ATP13A4: variants seen among roughly 807,000 people sequenced by gnomAD.
ATP13A4 encodes the protein ATPase 13A4.
In ATP13A4, 114 loss-of-function variants were observed where a neutral mutation model predicts 142.5. The ratio of observed to expected loss-of-function variants is 0.80; its 90% confidence interval spans 0.69 to 0.93. ATP13A4 has a LOEUF of 0.93. Ranked by LOEUF, ATP13A4 falls within the 40% of genes least tolerant of loss-of-function variation. The probability of loss-of-function intolerance (pLI) is 0.00; values close to 1 mark genes in which losing one functional copy is unlikely to be tolerated. For synonymous variants in ATP13A4, 488 were observed against 514.8 expected, an observed-to-expected ratio of 0.95 and a Z score of 0.70; for missense variants, 1,392 against 1,454.0, an observed-to-expected ratio of 0.96 and a Z score of 0.69.
chr3:193,535,724 A>G (rs749687944), intron 1 of ATP13A4, among the ~76,000 whole-genome samples: 1 of 152,150 alleles, frequency 6.6e-6, no homozygotes, highest in Admixed American at 6.5e-5. Flanking sequence ...AAATCAAAAC[A>G]AACAGCTGGT....
chr3:193,581,241 T>C (rs2134881), intron 2 of ATP13A4, among the ~76,000 whole-genome samples: 79,150 of 151,588 alleles, frequency 0.52, 21,324 homozygotes, highest in African/African-American at 0.65. Flanking sequence ...TTATGTATGT[T>C]ATTCACAATG....
intron 7 of ATP13A4, among the ~76,000 whole-genome samples, chr3:193,485,430 A>T (rs1719552036): frequency 6.6e-6 from 1 of 152,140 alleles, no homozygotes. Context: ...CCCTTTTCAT[A>T]ATGGCACTAA....
At chr3:193,566,501 A>G (rs1410081666) in intron 2 of ATP13A4, among the ~76,000 whole-genome samples, 1 of 152,048 alleles carries the variant, frequency 6.6e-6, no homozygotes, top group Non-Finnish European at 1.5e-5. Context: ...GGGGCCTCTC[A>G]ACCCCTGGAA....
chr3:193,404,589 T>G (rs1461521197), intron 29 of ATP13A4, among the ~76,000 whole-genome samples: 1 of 152,136 alleles, frequency 6.6e-6, no homozygotes, highest in Non-Finnish European at 1.5e-5. Flanking sequence ...TGAGATCTGA[T>G]TGTTTAAAAG....
rs116549603 is a variant in ATP13A4 at position 193,419,843 on chromosome 3, C to T, written c.2843-5093G>A. Among the ~76,000 whole-genome samples, 256 of 150,178 alleles carry T rather than the reference C, an allele frequency of 1.7e-3. 11 individuals carry two copies. Among genetic ancestry groups the T allele is most frequent in the African/African-American group, 6.1e-3 (248 of 40,900 alleles). ...TCATCACTGTGCTGCTCCCTGTCCC[C>T]CACCCACTGCCCCTCCAGGGCCCAA... On this transcript the variant is annotated intron_variant, in intron 25 of 29. Coordinates refer to ENST00000342695, the MANE Select transcript of ATP13A4 (RefSeq NM_032279.4).
At chr3:193,544,013 C>T (rs1723086569) in intron 1 of ATP13A4, among the ~76,000 whole-genome samples, 1 of 152,160 alleles carries the variant, frequency 6.6e-6, no homozygotes, top group African/African-American at 2.4e-5. Context: ...GTTCATCAGA[C>T]AGACTGGGGG....
At chr3:193,508,997 A>AG (rs539153637) in intron 2 of ATP13A4, among the ~76,000 whole-genome samples, 222 of 152,250 alleles carry the variant, frequency 1.5e-3, no homozygotes, top group African/African-American at 5.2e-3. Context: ...AGGAAAAAAA[A>AG]AAAAAGCTGA....
Position 193,488,080 on chromosome 3 carries a change from A to G in ATP13A4, c.738+1650T>C, listed in dbSNP as rs554884905. ...GGAGATCAACACCATCCAGACCAAC[A>G]TGGTGAAACACCGTCTCGACTAAAA... On this transcript the variant is annotated intron_variant, in intron 7 of 29. Transcript: ENST00000342695. 6.6e-5 allele frequency among the ~76,000 whole-genome samples: 10 copies of G among 152,324 alleles called. No individual in the cohort carries two copies. The East Asian group carries it at 1.9e-3, about 29-fold the overall frequency.
At chr3:193,506,557 T>C (rs1317903409) in intron 2 of ATP13A4, among the ~76,000 whole-genome samples, 1 of 152,194 alleles carries the variant, frequency 6.6e-6, no homozygotes, top group Non-Finnish European at 1.5e-5. Flanking sequence ...CCAGATAAAC[T>C]TTTAGACTTG....
At chr3:193,407,415 C>A (rs748272774) in intron 28 of ATP13A4, 22 bp from the exon 29 acceptor site, 3 of 1,583,276 alleles carry the variant, frequency 1.9e-6, no homozygotes, top group African/African-American at 2.7e-5. Context: ...TGATGAAGCA[C>A]AGTTAGTCTG....
At chr3:193,580,985 T>A (rs1190343572) in intron 2 of ATP13A4, among the ~76,000 whole-genome samples, 1 of 152,196 alleles carries the variant, frequency 6.6e-6, no homozygotes, top group Non-Finnish European at 1.5e-5. Context: ...TCTTATACAT[T>A]TTACTATGAA....
At position 193,537,222 on chromosome 3, in the gene ATP13A4, T is replaced by A. The variant is rs1238191967; in HGVS notation, c.60+17518A>T. On this transcript the variant is annotated intron_variant, in intron 1 of 29. Transcript: ENST00000342695. ...CAATACTTATCATATAACTGTACCA[T>A]AATCAAGACTGTATGGCATTGGCAC... Among the ~76,000 whole-genome samples, 10 of 152,214 alleles carry A rather than the reference T, an allele frequency of 6.6e-5. No homozygotes were observed. In the East Asian group the frequency reaches 1.9e-3, roughly 29 times the overall value.
rs2108637458 is a variant in ATP13A4 at position 193,459,063 on chromosome 3, T to C, written c.1674+18A>G. On this transcript the variant is annotated intron_variant, in intron 14 of 29. Coordinates refer to ENST00000342695, the MANE Select transcript of ATP13A4 (RefSeq NM_032279.4). ...CATTGAAGAAGCTTCTCAGATTCTCTGAAGAGCAGAGGCTTACCCAGGTGG... is the reference window on the plus strand; with the variant it reads ...CATTGAAGAAGCTTCTCAGATTCTCCGAAGAGCAGAGGCTTACCCAGGTGG... 2 of 1,614,134 alleles carry C rather than the reference T, an allele frequency of 1.2e-6. No individual in the cohort carries two copies. Among genetic ancestry groups the C allele is most frequent in the Middle Eastern group, 1.6e-4 (1 of 6,062 alleles).
At chr3:193,518,141 A>C (rs1204609497) in intron 1 of ATP13A4, among the ~76,000 whole-genome samples, 3 of 152,224 alleles carry the variant, frequency 2.0e-5, no homozygotes, top group Admixed American at 6.5e-5. Context: ...TATTGTTCCC[A>C]CATTCTTGCA....
At chr3:193,511,146 C>T (rs1247767122) in intron 2 of ATP13A4, among the ~76,000 whole-genome samples, 1 of 152,040 alleles carries the variant, frequency 6.6e-6, no homozygotes, top group African/African-American at 2.4e-5. Context: ...CAAGAGCAGG[C>T]AATTAAAAAT....
intron 1 of ATP13A4, among the ~76,000 whole-genome samples, chr3:193,526,591 T>C (rs952609643): frequency 2.6e-5 from 4 of 152,134 alleles, no homozygotes; most frequent in Non-Finnish European, 5.9e-5. Context: ...TGCATGTTCT[T>C]CACATGTATC....
intron 8 of ATP13A4, among the ~76,000 whole-genome samples, chr3:193,473,697 AC>A (rs1406652241): frequency 1.3e-5 from 2 of 152,294 alleles, no homozygotes; most frequent in African/African-American, 4.8e-5. Context: ...AGCAGTGAAA[AC>A]ACAGCATCAT....
At chr3:193,488,703 T>A (rs191042686) in intron 7 of ATP13A4, among the ~76,000 whole-genome samples, 122 of 152,250 alleles carry the variant, frequency 8.0e-4, no homozygotes, top group African/African-American at 2.9e-3. Context: ...ACAAAGACTC[T>A]AGAAGTTTTA....
At chr3:193,463,196 T>C (rs1003174685) in intron 12 of ATP13A4, among the ~76,000 whole-genome samples, 1 of 152,060 alleles carries the variant, frequency 6.6e-6, no homozygotes, top group African/African-American at 2.4e-5. Context: ...TTTCAAACTT[T>C]AGTGTCCTCC....
Sources: allele counts gnomAD v4.1 joint callset (sites outside exome capture counted in the v4.1 genomes callset), GRCh38; gene constraint gnomAD v4.1.1; transcripts MANE v1.5; gene names NCBI Gene and HGNC (gene_info 2026-07-23, HGNC 2026-07-21).